Variants in TAOK2 observed in about 807,000 individuals in gnomAD.
The protein encoded by TAOK2 is TAO kinase 2.
A neutral mutation model predicts 122.5 loss-of-function variants in TAOK2; 42 were observed. That is an observed-to-expected ratio of 0.34 (90% CI 0.27 to 0.44). The LOEUF is 0.44. Among genes scored for constraint, TAOK2 ranks in the 20% least tolerant of loss-of-function variants. The pLI, the probability that TAOK2 is intolerant of heterozygous loss-of-function variation, is 1.00. For synonymous variants in TAOK2, 704 were observed against 677.6 expected (o/e 1.04, Z -0.61); for missense variants, 1,264 against 1,644.9 (o/e 0.77, Z 4.01).
Position 29,985,646 on chromosome 16 carries a change from G to A in TAOK2, c.1789-12G>A. The A allele has an allele frequency of 6.2e-7, 1 of 1,611,434 alleles. No homozygotes were observed. The highest frequency in any genetic ancestry group is 1.7e-5 in the Admixed American group (1 of 59,742). Reference sequence around the variant, plus strand: ...GTGGGTCCTGACCCTGCTTCCCTCTGCACTCGCCCAGGAGCTCCAGGAGAA... The same window carrying A: ...GTGGGTCCTGACCCTGCTTCCCTCTACACTCGCCCAGGAGCTCCAGGAGAA... On this transcript the variant is annotated splice_polypyrimidine_tract_variant and intron_variant, in intron 14 of 15. Coordinates refer to ENST00000308893, the MANE Select transcript of TAOK2 (RefSeq NM_016151.4). The surrounding 1 kb of genome is among the most constrained non-coding windows in gnomAD (Gnocchi z 6.9).
At chr16:29,989,893 G>A, downstream of TAOK2, 1 of 1,372,614 alleles carries the variant, frequency 7.3e-7, no homozygotes, top group Non-Finnish European at 1.0e-6. Context: ...GGCATGCACA[G>A]AGCTGGGGCT....
At chr16:29,977,276 C>T (rs1207291339) in intron 1 of TAOK2, among the ~76,000 whole-genome samples, 1 of 152,172 alleles carries the variant, frequency 6.6e-6, no homozygotes, top group Non-Finnish European at 1.5e-5. Context: ...ATTTCCTGTT[C>T]TCTTCCAGGG....
At chr16:29,992,051 C>T (rs185285376), downstream of TAOK2, 19 of 153,280 alleles carry the variant, frequency 1.2e-4, no homozygotes, top group African/African-American at 3.6e-4. Context: ...GGGTCTCTTC[C>T]CGTAACTGTC....
At chr16:29,978,733 C>G in intron 4 of TAOK2, 66 bp from the exon 5 acceptor site, 1 of 1,590,402 alleles carries the variant, frequency 6.3e-7, no homozygotes, top group Non-Finnish European at 8.6e-7. Context: ...ACAGGACAGT[C>G]AAGGAAGCTC....
intron 13 of TAOK2, among the ~76,000 whole-genome samples, chr16:29,984,452 C>T (rs959379261): frequency 6.6e-6 from 1 of 152,208 alleles, no homozygotes; most frequent in Non-Finnish European, 1.5e-5. Flanking sequence ...TGCATTTGAG[C>T]GTCAACAATC....
rs1182512956 is a variant in TAOK2 at position 29,986,359 on chromosome 16, AG to A, written c.2089del (p.Ala697ProfsTer75). The A allele has an allele frequency of 6.3e-7, 1 of 1,599,578 alleles. No individual in the cohort carries two copies. ...CGGGAGCTGGAGCTGCGGCAGCTCC[AG>A]GCCGTGCAGCGCACGCGGGCTGAGC... is the stretch of plus-strand genomic sequence containing the variant. ...ATRELELRQLQAVQRTRAELT... is the reference protein window; with the variant it reads ...ATRELELRQLXAVQRTRAELT... On this transcript the variant is annotated frameshift_variant, in exon 16 of 16. Transcript: ENST00000308893. LOFTEE classifies it high-confidence loss of function. This position sits in a 1 kb window ranked among gnomAD's most constrained non-coding sequence, Gnocchi z 4.2.
downstream of TAOK2, chr16:29,989,065 C>CAGCA (rs1163451133): frequency 1.0e-6 from 1 of 985,336 alleles, no homozygotes; most frequent in African/African-American, 1.7e-5. Flanking sequence ...CCTCCCTGAG[C>CAGCA]TGCTGGACCT....
rs1489348391 is a variant in TAOK2 at position 29,987,177 on chromosome 16, C to T, written c.2905C>T (p.Leu969=). 3.2e-6 allele frequency: 5 copies of T among 1,541,208 alleles called. No individual in the cohort carries two copies. The highest frequency in any genetic ancestry group is 1.3e-5 in the South Asian group (1 of 78,496). The part of the protein sequence containing the change: ...VGSSSGLLPL[L]LLLLLPLLAA... ...GTCCTCCTCTGGCCTCCTGCCCCTC[C>T]TGCTGCTGCTGCTGCTTCCATTGCT... The change falls in exon 16 of 16, where the codon CTG becomes TTG. Residue 969 remains leucine (L), a synonymous_variant. Transcript: ENST00000308893.
At chr16:29,991,440 C>T (rs1484032236), downstream of TAOK2, 17 of 1,512,612 alleles carry the variant, frequency 1.1e-5, no homozygotes, top group South Asian at 1.2e-5. The surrounding 1 kb of genome is among the most constrained non-coding windows in gnomAD (Gnocchi z 5.6). Context: ...GCCCCTGCGG[C>T]GGGCAGCCTC....
chr16:29,976,636 G>C (rs964707414), intron 1 of TAOK2, among the ~76,000 whole-genome samples: 2 of 152,154 alleles, frequency 1.3e-5, no homozygotes, highest in Non-Finnish European at 2.9e-5. Context: ...AACTTTCTCC[G>C]GGTGTTTGGT....
Position 29,982,826 on chromosome 16 carries a change from G to A in TAOK2, c.924G>A (p.Gln308=). 2 of 1,614,116 alleles carry A rather than the reference G, an allele frequency of 1.2e-6. No individual in the cohort carries two copies. The highest frequency in any genetic ancestry group is 1.7e-6 in the Non-Finnish European group (2 of 1,179,998). ...KDAVRELDNL[Q]YRKMKKILFQ... is the part of the protein sequence containing the mutation. ...CCGTGCGGGAGCTGGACAACCTGCAGTACCGCAAGATGAAGAAGATCCTGT... is the reference window on the plus strand; with the variant it reads ...CCGTGCGGGAGCTGGACAACCTGCAATACCGCAAGATGAAGAAGATCCTGT... Residue 308 remains glutamine, a synonymous_variant, in exon 11 of 16, where the codon CAG becomes CAA. Coordinates refer to ENST00000308893, the MANE Select transcript of TAOK2 (RefSeq NM_016151.4).
chr16:29,991,711 G>A, downstream of TAOK2: 1 of 1,108,282 alleles, frequency 9.0e-7, no homozygotes, highest in Non-Finnish European at 1.2e-6. The surrounding 1 kb of genome is among the most constrained non-coding windows in gnomAD (Gnocchi z 5.6). Context: ...CATCTCATGA[G>A]CTTCTTGGGG....
downstream of TAOK2, chr16:29,991,049 G>A (rs368134172): frequency 1.5e-5 from 24 of 1,574,166 alleles, no homozygotes; most frequent in Non-Finnish European, 2.1e-5. This position sits in a 1 kb window ranked among gnomAD's most constrained non-coding sequence, Gnocchi z 5.6. Context: ...TGCCCCAGGT[G>A]GAAGAGGAGC....
chr16:29,975,407 A>G (rs1219835788), intron 1 of TAOK2, among the ~76,000 whole-genome samples: 4 of 152,180 alleles, frequency 2.6e-5, no homozygotes, highest in East Asian at 1.9e-4. Flanking sequence ...CAAGTCCTCA[A>G]TCACATCTTT....
chr16:29,983,506 T>C lies in TAOK2; in HGVS notation c.1264T>C (p.Ser422Pro). The C allele has an allele frequency of 6.2e-7, 1 of 1,607,944 alleles. No homozygotes were observed. The highest frequency in any genetic ancestry group is 8.5e-7 in the Non-Finnish European group (1 of 1,175,454). ...HSSIIHRLPG[S>P]DNLYDDPYQP... ...TGTTCCTTCTATCTCCCTCTAGGGC[T>C]CTGACAACCTATATGATGACCCCTA... The change falls in exon 13 of 16, where the codon TCT (serine) becomes CCT (proline). Residue 422 changes from serine to proline, a missense_variant. By Grantham distance (74) the Ser-to-Pro change is moderately conservative. This residue lies in a region of TAOK2 where 122 missense variants were observed against 116.7 expected (regional missense o/e 1.04). Coordinates refer to ENST00000308893, the MANE Select transcript of TAOK2 (RefSeq NM_016151.4).
At chr16:29,990,684 G>C, downstream of TAOK2, 1 of 1,196,710 alleles carries the variant, frequency 8.4e-7, no homozygotes, top group Non-Finnish European at 1.2e-6. Context: ...TGTTGAGACC[G>C]CTGCTTCTTG....
intron 13 of TAOK2, among the ~76,000 whole-genome samples, chr16:29,984,463 C>T (rs1397627763): frequency 6.6e-6 from 1 of 152,164 alleles, no homozygotes; most frequent in Non-Finnish European, 1.5e-5. Context: ...GTCAACAATC[C>T]CCTTAGAGGC....
chr16:29,988,141 C>T lies in TAOK2; in HGVS notation c.*161C>T, dbSNP rs1158316071. The stretch of plus-strand genomic sequence containing the variant: ...CTTCGGACCTCTAGACAGGCAGCCT[C>T]CTCAGCTGTGGAGTCCAGCAGTCAC... On this transcript the variant is annotated 3_prime_UTR_variant, in exon 16 of 16. Transcript: ENST00000308893. 4 of 1,433,284 alleles carry T rather than the reference C, an allele frequency of 2.8e-6. No homozygotes were observed. Among genetic ancestry groups the T allele is most frequent in the African/African-American group, 2.9e-5 (2 of 69,610 alleles). The allele number at this position is 1,433,284 out of a possible 1,614,324, so 88.8% of individuals were successfully genotyped here. A position where few individuals can be genotyped will look rare whatever the true frequency, so the allele number is the denominator to read the frequency against.
intron 10 of TAOK2, 145 bp from the exon 11 acceptor site, chr16:29,982,589 A>T: frequency 1.1e-6 from 1 of 936,284 alleles, no homozygotes; most frequent in Non-Finnish European, 1.6e-6. Flanking sequence ...GAAAATTGTG[A>T]GAGAAGGGCT....
Sources: gnomAD v4.1 joint callset for allele counts (sites outside exome capture counted in the v4.1 genomes callset) on GRCh38, gnomAD v4.1.1 for gene constraint, gnomAD v4.1.1 regional missense constraint, Gnocchi (gnomAD v3.1) non-coding constraint, MANE v1.5 for transcripts, NCBI Gene and HGNC (gene_info 2026-07-23, HGNC 2026-07-21) for gene names.